The following SH3RF3 variants were observed in gnomAD, a reference collection of about 807,000 sequenced individuals.
The protein encoded by SH3RF3 is E3 ubiquitin-protein ligase SH3RF3.
In SH3RF3, 29 loss-of-function variants were observed where a neutral mutation model predicts 66.3. The ratio of observed to expected loss-of-function variants is 0.44; its 90% CI spans 0.33 to 0.60. The LOEUF is 0.60. Among genes scored for constraint, SH3RF3 ranks in the 20% least tolerant of loss-of-function variants. SH3RF3 has a pLI of 0.04. For missense variants in SH3RF3, 1,194 were observed against 1,190.9 expected (o/e 1.00, Z -0.04); for synonymous variants, 583 against 532.0 (o/e 1.10, Z -1.32).
At chr2:109,305,367 G>A (rs1047894366) in intron 1 of SH3RF3, among the ~76,000 whole-genome samples, 4 of 152,088 alleles carry the variant, frequency 2.6e-5, no homozygotes, top group Admixed American at 6.5e-5. Flanking sequence ...TATGGCCATG[G>A]AGGCCCATAC....
At chr2:109,272,240 G>C (rs909630633) in intron 1 of SH3RF3, among the ~76,000 whole-genome samples, 2 of 152,204 alleles carry the variant, frequency 1.3e-5, no homozygotes, top group African/African-American at 4.8e-5. Flanking sequence ...GCTGCTTCTT[G>C]CTTGTCTAGG....
intron 4 of SH3RF3, among the ~76,000 whole-genome samples, chr2:109,408,171 T>C (rs915493959): frequency 2.6e-5 from 4 of 152,090 alleles, no homozygotes; most frequent in Non-Finnish European, 4.4e-5. Flanking sequence ...GGGTTGTTCA[T>C]GAATGCCCAC....
At chr2:109,185,400 A>T (rs986792064) in intron 1 of SH3RF3, among the ~76,000 whole-genome samples, 1 of 152,362 alleles carries the variant, frequency 6.6e-6, no homozygotes, top group East Asian at 1.9e-4. Context: ...TATCACAGGG[A>T]ACCTAAAGAA....
chr2:109,173,778 G>A (rs1677856500), intron 1 of SH3RF3, among the ~76,000 whole-genome samples: 1 of 152,196 alleles, frequency 6.6e-6, no homozygotes, highest in Non-Finnish European at 1.5e-5. Flanking sequence ...TGTGTGCTGT[G>A]AGCTCAGTGT....
intron 3 of SH3RF3, among the ~76,000 whole-genome samples, chr2:109,388,339 C>A (rs531121625): frequency 6.6e-6 from 1 of 152,168 alleles, no homozygotes; most frequent in Non-Finnish European, 1.5e-5. Flanking sequence ...ACATGGAACA[C>A]ATCCTAAAGA....
chr2:109,325,274 A>ATT (rs1289374693), intron 1 of SH3RF3, among the ~76,000 whole-genome samples: 1 of 150,932 alleles, frequency 6.6e-6, no homozygotes, highest in African/African-American at 2.4e-5. Flanking sequence ...AAATCGTAGA[A>ATT]TCCCAGGAGT....
chr2:109,250,297 C>T (rs898267236), intron 1 of SH3RF3, among the ~76,000 whole-genome samples: 2 of 151,956 alleles, frequency 1.3e-5, no homozygotes, highest in Non-Finnish European at 2.9e-5. Context: ...TCGCCCATTG[C>T]TGGTTGGACA....
intron 1 of SH3RF3, among the ~76,000 whole-genome samples, chr2:109,148,287 A>C (rs1205635180): frequency 3.9e-5 from 6 of 152,252 alleles, no homozygotes; most frequent in African/African-American, 1.4e-4. Context: ...TGAGCAGAGC[A>C]CGTGAGGGAA....
chr2:109,306,186 A>T (rs1320445705), intron 1 of SH3RF3, among the ~76,000 whole-genome samples: 2 of 152,260 alleles, frequency 1.3e-5, no homozygotes, highest in Non-Finnish European at 2.9e-5. Flanking sequence ...TAAAATGGTC[A>T]GAGCAGACCG....
At chr2:109,399,044 G>A (rs369495273) in intron 4 of SH3RF3, 101 bp downstream of exon 4, 330 of 1,287,494 alleles carry the variant, frequency 2.6e-4, no homozygotes, top group Middle Eastern at 4.5e-4. Context: ...CATGGAGGCC[G>A]CCCCAGAACT....
rs1680671363 is a variant in SH3RF3, at chr2:109,273,337, G to T, written c.574-74337G>T. Among the ~76,000 whole-genome samples, 3 of 152,330 alleles carry T rather than the reference G, an allele frequency of 2.0e-5. No homozygotes were observed. In the South Asian group the frequency reaches 6.2e-4, roughly 32 times the overall value. ...CTTCCTGAGCTTGTCTGGAAGGAGT[G>T]CTTCCCTTGGTCATCCCAAGCTCCA... On this transcript the variant is annotated intron_variant, in intron 1 of 9. Transcript: ENST00000309415.
intron 2 of SH3RF3, among the ~76,000 whole-genome samples, chr2:109,348,153 G>A (rs72824709): frequency 1.3e-5 from 2 of 152,162 alleles, no homozygotes; most frequent in African/African-American, 4.8e-5. Context: ...GAATGCTATG[G>A]AGGGCACCAG....
chr2:109,138,755 C>T (rs987665016), intron 1 of SH3RF3, among the ~76,000 whole-genome samples: 2 of 152,228 alleles, frequency 1.3e-5, no homozygotes, highest in Non-Finnish European at 2.9e-5. Context: ...CACCATGGCC[C>T]TGTGTGAGTG....
At chr2:109,130,147 A>C in intron 1 of SH3RF3, 34 bp downstream of exon 1, 1 of 1,277,364 alleles carries the variant, frequency 7.8e-7, no homozygotes, top group South Asian at 2.6e-5. Context: ...TGGCCACGGC[A>C]CGTGGGAGTG....
chr2:109,362,158 A>G (rs1683061495), intron 2 of SH3RF3, among the ~76,000 whole-genome samples: 3 of 151,826 alleles, frequency 2.0e-5, no homozygotes, highest in South Asian at 4.2e-4. Flanking sequence ...GATTTAGATT[A>G]TTTATTTTAG....
intron 1 of SH3RF3, among the ~76,000 whole-genome samples, chr2:109,285,076 AG>A (rs1680998607): frequency 6.6e-6 from 1 of 152,216 alleles, no homozygotes; most frequent in Non-Finnish European, 1.5e-5. Flanking sequence ...GTCCTGGAAG[AG>A]GCCCAGGCAG....
intron 3 of SH3RF3, among the ~76,000 whole-genome samples, chr2:109,376,586 C>T (rs1683390327): frequency 6.6e-6 from 1 of 152,248 alleles, no homozygotes; most frequent in African/African-American, 2.4e-5. Context: ...AGCTCTGCCT[C>T]CACATTGACA....
At chr2:109,431,420 A>G (rs1325762325) in intron 5 of SH3RF3, among the ~76,000 whole-genome samples, 2 of 152,314 alleles carry the variant, frequency 1.3e-5, no homozygotes, top group African/African-American at 2.4e-5. Context: ...CCAAATCCCA[A>G]AAGTAGCAGA....
At chr2:109,202,823 G>A (rs767983784) in intron 1 of SH3RF3, among the ~76,000 whole-genome samples, 5 of 152,194 alleles carry the variant, frequency 3.3e-5, no homozygotes, top group Non-Finnish European at 7.3e-5. Context: ...CCCCATTCCC[G>A]GGAAAGGGCC....
Sources: gnomAD v4.1 joint callset for allele counts (sites outside exome capture counted in the v4.1 genomes callset) on GRCh38, gnomAD v4.1.1 for gene constraint, MANE v1.5 for transcripts, NCBI Gene and HGNC (gene_info 2026-07-23, HGNC 2026-07-21) for gene names.